Variants in MLLT3 observed in about 807,000 individuals in gnomAD.
The protein encoded by MLLT3 is protein AF-9.
In MLLT3, 4 loss-of-function variants were observed where a neutral mutation model predicts 53.2. The observed-to-expected ratio is 0.08, with a 90% CI of 0.04 to 0.17. The LOEUF (loss-of-function observed/expected upper bound fraction) is 0.17, where lower values mean the gene tolerates loss of function less well. MLLT3 is among the 10% of genes least tolerant of loss of function. The probability of loss-of-function intolerance (pLI) is 1.00; values close to 1 mark genes in which losing one functional copy is unlikely to be tolerated. For missense variants in MLLT3, 569 were observed against 684.0 expected (o/e 0.83, Z 1.87); for synonymous variants, 283 against 230.6 (o/e 1.23, Z -2.06).
intron 2 of MLLT3, among the ~76,000 whole-genome samples, chr9:20,565,934 ATATT>A (rs1819347693): frequency 6.8e-5 from 1 of 14,654 alleles, no homozygotes; most frequent in African/African-American, 3.0e-4. Context: ...ATATATATAT[ATATT>A]TATATATATA....
At chr9:20,602,681 T>C (rs769254008) in intron 2 of MLLT3, among the ~76,000 whole-genome samples, 1 of 151,958 alleles carries the variant, frequency 6.6e-6, no homozygotes, top group Non-Finnish European at 1.5e-5. Flanking sequence ...GAATTTGGCA[T>C]CTTGGAGGAG....
In MLLT3 at chr9:20,510,613, GAA is replaced by G. The variant is rs36032614; in HGVS notation, c.194-53829_194-53828del. On this transcript the variant is annotated intron_variant, in intron 2 of 10. Coordinates refer to ENST00000380338, the MANE Select transcript of MLLT3 (RefSeq NM_004529.4). Reference sequence around the variant, plus strand: ...GGCGACAGATCAAGACTCCATCTCAGAAAAAAAAAAAAAAAAAAAAGATCCAT... The same window carrying G: ...GGCGACAGATCAAGACTCCATCTCAGAAAAAAAAAAAAAAAAAAGATCCAT... Among the ~76,000 whole-genome samples the G allele has an allele frequency of 1.4e-3, 152 of 105,930 alleles. 2 individuals are homozygous for G. The highest frequency in any genetic ancestry group is 5.1e-3 in the Middle Eastern group (1 of 196). 69.5% of individuals were successfully genotyped at this position (105,930 alleles called of 152,430 possible). A position where few individuals can be genotyped will look rare whatever the true frequency, so the allele number is the denominator to read the frequency against.
chr9:20,622,421 C>T lies in MLLT3; in HGVS notation c.-165G>A, dbSNP rs1032182874. Reference sequence around the variant, plus strand: ...CTTTTTCCCCCCGCGCTCGCTTGCTCGCTCGCTCGCTTATTAAACTCAGCC... The same window carrying T: ...CTTTTTCCCCCCGCGCTCGCTTGCTTGCTCGCTCGCTTATTAAACTCAGCC... On this transcript the variant is annotated 5_prime_UTR_variant, in exon 1 of 11. Coordinates refer to ENST00000380338, the MANE Select transcript of MLLT3 (RefSeq NM_004529.4). 6.5e-6 allele frequency: 4 copies of T among 615,252 alleles called. No individual in the cohort carries two copies. The highest frequency in any genetic ancestry group is 6.8e-5 in the Admixed American group (2 of 29,544). The allele number at this position is 615,252 out of a possible 1,614,324, so 38.1% of individuals were successfully genotyped here.
At chr9:20,457,885 C>T (rs866084793) in intron 2 of MLLT3, among the ~76,000 whole-genome samples, 10 of 152,150 alleles carry the variant, frequency 6.6e-5, no homozygotes, top group Admixed American at 2.0e-4. Flanking sequence ...GTTAAGACTG[C>T]ATTTTGGTGG....
chr9:20,393,946 CATT>C (rs1822255496), intron 5 of MLLT3, among the ~76,000 whole-genome samples: 1 of 152,144 alleles, frequency 6.6e-6, no homozygotes, highest in South Asian at 2.1e-4. Flanking sequence ...AGTACTTCAT[CATT>C]GATAAGATTT....
intron 4 of MLLT3, among the ~76,000 whole-genome samples, chr9:20,430,849 T>G (rs997767430): frequency 2.6e-5 from 4 of 151,912 alleles, no homozygotes; most frequent in African/African-American, 7.2e-5. Flanking sequence ...GAAACAACAA[T>G]GAACTCCTAT....
intron 2 of MLLT3, among the ~76,000 whole-genome samples, chr9:20,540,908 G>A (rs187750965): frequency 1.4e-3 from 207 of 152,276 alleles, no homozygotes; most frequent in Non-Finnish European, 1.5e-3. Context: ...ACATAAGTTC[G>A]AATTTCAGAA....
At chr9:20,610,959 G>T (rs1304231220) in intron 2 of MLLT3, among the ~76,000 whole-genome samples, 2 of 152,054 alleles carry the variant, frequency 1.3e-5, no homozygotes, top group African/African-American at 2.4e-5. Context: ...ATGTTTCATT[G>T]ACTCTATAAA....
chr9:20,402,513 G>A (rs1029435085), intron 5 of MLLT3, among the ~76,000 whole-genome samples: 1 of 151,944 alleles, frequency 6.6e-6, no homozygotes, highest in African/African-American at 2.4e-5. Flanking sequence ...TCTGGGTTTC[G>A]TCCGCTGAGA....
At chr9:20,484,108 T>A (rs1475829991) in intron 2 of MLLT3, among the ~76,000 whole-genome samples, 1 of 151,984 alleles carries the variant, frequency 6.6e-6, no homozygotes, top group Non-Finnish European at 1.5e-5. Flanking sequence ...AATAGTGATA[T>A]AACTACAGGT....
intron 2 of MLLT3, among the ~76,000 whole-genome samples, chr9:20,592,631 G>A (rs1434081291): frequency 1.3e-5 from 2 of 152,126 alleles, no homozygotes; most frequent in African/African-American, 4.8e-5. Context: ...TGGGTAGGGG[G>A]CACATAATTT....
intron 8 of MLLT3, among the ~76,000 whole-genome samples, chr9:20,357,332 T>C (rs780128449): frequency 2.6e-5 from 4 of 151,970 alleles, no homozygotes; most frequent in Non-Finnish European, 5.9e-5. Flanking sequence ...AGGTTTGGAG[T>C]GAAAAAACCA....
At chr9:20,419,746 T>C (rs1301355457) in intron 4 of MLLT3, among the ~76,000 whole-genome samples, 3 of 152,064 alleles carry the variant, frequency 2.0e-5, no homozygotes, top group East Asian at 3.8e-4. Flanking sequence ...AATTTAAGAA[T>C]TCAAATAGCA....
chr9:20,380,990 A>G (rs1821895567), intron 5 of MLLT3, among the ~76,000 whole-genome samples: 1 of 151,966 alleles, frequency 6.6e-6, no homozygotes, highest in African/African-American at 2.4e-5. Context: ...GAGGAAGGGG[A>G]GAGACTAGCT....
intron 2 of MLLT3, among the ~76,000 whole-genome samples, chr9:20,585,762 A>C (rs1016759864): frequency 3.3e-5 from 5 of 152,216 alleles, no homozygotes; most frequent in Admixed American, 2.0e-4. Flanking sequence ...GTGTGGTCTC[A>C]TGGTCATCTT....
intron 2 of MLLT3, among the ~76,000 whole-genome samples, chr9:20,597,586 A>G (rs1820307769): frequency 6.6e-6 from 1 of 152,178 alleles, no homozygotes; most frequent in South Asian, 2.1e-4. Flanking sequence ...TACTATGTTT[A>G]TTACTAGATT....
intron 2 of MLLT3, among the ~76,000 whole-genome samples, chr9:20,566,573 G>A (rs1367595802): frequency 6.6e-6 from 1 of 152,016 alleles, no homozygotes; most frequent in Non-Finnish European, 1.5e-5. Context: ...ATATCTAACA[G>A]ACTGTGCACT....
In MLLT3 at chr9:20,498,227, C is replaced by CAAAAAAAAAAAA. The variant is rs529049653; in HGVS notation, c.194-41453_194-41442dup. 4.6e-4 allele frequency among the ~76,000 whole-genome samples: 15 copies of CAAAAAAAAAAAA among 32,520 alleles called. 2 individuals are homozygous for CAAAAAAAAAAAA. The highest frequency in any genetic ancestry group is 7.8e-4 in the Non-Finnish European group (12 of 15,340). The allele number at this position is 32,520 out of a possible 152,430, so 21.3% of individuals were successfully genotyped here. A position where few individuals can be genotyped will look rare whatever the true frequency, so the allele number is the denominator to read the frequency against. ...TAGGTGACAGAGCGAGACGCTGTCT[C>CAAAAAAAAAAAA]AAAAAAAAAAAAAAAAAAAAAAAAA... is the stretch of plus-strand genomic sequence containing the variant. On this transcript the variant is annotated intron_variant, in intron 2 of 10. Coordinates refer to ENST00000380338, the MANE Select transcript of MLLT3 (RefSeq NM_004529.4).
intron 5 of MLLT3, among the ~76,000 whole-genome samples, chr9:20,408,355 G>A (rs1223056917): frequency 6.6e-6 from 1 of 151,596 alleles, no homozygotes; most frequent in Non-Finnish European, 1.5e-5. Flanking sequence ...GGTTGGCAAG[G>A]CTGCCTCCTC....
Sources: gnomAD v4.1 joint callset for allele counts (sites outside exome capture counted in the v4.1 genomes callset) on GRCh38, gnomAD v4.1.1 for gene constraint, MANE v1.5 for transcripts, NCBI Gene and HGNC (gene_info 2026-07-23, HGNC 2026-07-21) for gene names.